Variants in PAG1 observed in about 807,000 individuals in gnomAD.
The protein encoded by PAG1 is phosphoprotein membrane anchor with glycosphingolipid microdomains 1.
A neutral mutation model predicts 31.7 loss-of-function variants in PAG1; 23 were observed. The observed-to-expected ratio is 0.73, with a 90% CI of 0.52 to 1.03. PAG1 has a LOEUF of 1.03. Among genes scored for constraint, PAG1 ranks in the 50% least tolerant of loss-of-function variants. The pLI is 0.00. For synonymous variants in PAG1, 214 were observed against 210.3 expected, an observed-to-expected ratio of 1.02 and a Z score of -0.15; for missense variants, 473 against 540.7, an observed-to-expected ratio of 0.87 and a Z score of 1.24.
In PAG1 at chr8:80,975,853, A is replaced by G. The variant is rs1442123820; in HGVS notation, c.*691T>C. On this transcript the variant is annotated 3_prime_UTR_variant, in exon 9 of 9. Coordinates refer to ENST00000220597, the MANE Select transcript of PAG1 (RefSeq NM_018440.4). ...CAAGTACTTTGGGGAGAGGCTGCTGATATCGAATGCCAAAATAAGAAGGAA... is the reference window on the plus strand; with the variant it reads ...CAAGTACTTTGGGGAGAGGCTGCTGGTATCGAATGCCAAAATAAGAAGGAA... The G allele has an allele frequency of 1.3e-5, 2 of 152,220 alleles. No homozygotes were observed. Among genetic ancestry groups the G allele is most frequent in the Non-Finnish European group, 2.9e-5 (2 of 68,044 alleles). 9.4% of individuals were successfully genotyped at this position (152,220 alleles called of 1,614,324 possible).
intron 2 of PAG1, among the ~76,000 whole-genome samples, chr8:81,061,636 G>A (rs1367826603): frequency 6.6e-6 from 1 of 152,202 alleles, no homozygotes; most frequent in Non-Finnish European, 1.5e-5. Flanking sequence ...CCTACTCAAT[G>A]CCAGGTACAG....
At chr8:81,052,022 C>A (rs1005946873) in intron 2 of PAG1, among the ~76,000 whole-genome samples, 2 of 148,794 alleles carry the variant, frequency 1.3e-5, no homozygotes, top group African/African-American at 5.0e-5. Context: ...CCCAGCTACT[C>A]GGGAGGCTGA....
intron 4 of PAG1, among the ~76,000 whole-genome samples, chr8:80,992,481 T>C (rs1270525361): frequency 6.6e-6 from 1 of 152,220 alleles, no homozygotes; most frequent in Middle Eastern, 3.2e-3. Flanking sequence ...CAGAATGTCC[T>C]GAAACATCAC....
At chr8:81,021,309 TA>T (rs1434972374) in intron 3 of PAG1, among the ~76,000 whole-genome samples, 2 of 152,140 alleles carry the variant, frequency 1.3e-5, no homozygotes, top group East Asian at 3.8e-4. Flanking sequence ...GAATTTGCTG[TA>T]TTTTTTCTAG....
intron 6 of PAG1, among the ~76,000 whole-genome samples, chr8:80,986,316 C>T (rs1807419187): frequency 6.6e-6 from 1 of 152,190 alleles, no homozygotes; most frequent in Non-Finnish European, 1.5e-5. Flanking sequence ...TTCTAGTTGT[C>T]TACATCATGG....
intron 3 of PAG1, among the ~76,000 whole-genome samples, chr8:81,015,578 C>T (rs1268765655): frequency 6.6e-6 from 1 of 152,112 alleles, no homozygotes; most frequent in Non-Finnish European, 1.5e-5. Flanking sequence ...TAAAAGTAAG[C>T]AATTAAAGAA....
At chr8:81,042,142 C>T (rs6989890) in intron 2 of PAG1, among the ~76,000 whole-genome samples, 78,961 of 152,084 alleles carry the variant, frequency 0.52, 23,125 homozygotes, top group Non-Finnish European at 0.66. Context: ...AGGTTTAGCT[C>T]GAGAGACAAA....
intron 2 of PAG1, among the ~76,000 whole-genome samples, chr8:81,055,065 C>A (rs978455891): frequency 7.0e-6 from 1 of 142,540 alleles, no homozygotes. Flanking sequence ...GAATTAATTT[C>A]TTTTTTTTTC....
intron 2 of PAG1, among the ~76,000 whole-genome samples, chr8:81,064,485 TA>T (rs2130938787): frequency 6.6e-6 from 1 of 152,270 alleles, no homozygotes; most frequent in South Asian, 2.1e-4. Flanking sequence ...TAATTAATGC[TA>T]AAAGAGCAAA....
chr8:80,993,587 A>G (rs921175657), intron 3 of PAG1, among the ~76,000 whole-genome samples: 5 of 144,962 alleles, frequency 3.4e-5, no homozygotes, highest in Admixed American at 6.8e-5. Flanking sequence ...TTGGGGGTGG[A>G]TTCTTCTTGT....
At chr8:81,047,475 T>A (rs1808660816) in intron 2 of PAG1, among the ~76,000 whole-genome samples, 1 of 152,230 alleles carries the variant, frequency 6.6e-6, no homozygotes, top group Non-Finnish European at 1.5e-5. Context: ...GTTTGTTGAC[T>A]GCATGTATGT....
At chr8:81,089,523 G>A (rs1028229323) in intron 1 of PAG1, among the ~76,000 whole-genome samples, 14 of 151,526 alleles carry the variant, frequency 9.2e-5, no homozygotes, top group Admixed American at 1.3e-4. Flanking sequence ...AGCTGAGATC[G>A]CACCACTGCA....
intron 1 of PAG1, among the ~76,000 whole-genome samples, chr8:81,075,153 G>T (rs1563421100): frequency 6.6e-6 from 1 of 152,186 alleles, no homozygotes; most frequent in African/African-American, 2.4e-5. Context: ...AATTCCATGT[G>T]TCCATATAGA....
At chr8:81,050,586 A>G (rs1017356176) in intron 2 of PAG1, among the ~76,000 whole-genome samples, 1 of 152,240 alleles carries the variant, frequency 6.6e-6, no homozygotes, top group Non-Finnish European at 1.5e-5. Context: ...GAAATAAAAA[A>G]AAAATGGTAC....
Position 80,968,220 on chromosome 8 carries a change from G to A in PAG1, c.*8324C>T, listed in dbSNP as rs1020359469. On this transcript the variant is annotated 3_prime_UTR_variant, in exon 9 of 9. Coordinates refer to ENST00000220597, the MANE Select transcript of PAG1 (RefSeq NM_018440.4). ...TCAATTTATATAGCACCTTTCTTCC[G>A]AAGAGTTGAAAGCATTCGTGCTTAT... 2 of 152,156 alleles carry A rather than the reference G, an allele frequency of 1.3e-5. No homozygotes were observed. Among genetic ancestry groups the A allele is most frequent in the African/African-American group, 4.8e-5 (2 of 41,428 alleles). 9.4% of individuals were successfully genotyped at this position (152,156 alleles called of 1,614,324 possible). A position where few individuals can be genotyped will look rare whatever the true frequency, so the allele number is the denominator to read the frequency against.
At position 80,984,881 on chromosome 8, in the gene PAG1, TGG is replaced by T; in HGVS notation, c.769_770del (p.Pro257ThrfsTer6). The T allele has an allele frequency of 6.2e-7, 1 of 1,614,156 alleles. No homozygotes were observed. Among genetic ancestry groups the T allele is most frequent in the Non-Finnish European group, 8.5e-7 (1 of 1,180,006 alleles). On this transcript the variant is annotated frameshift_variant, in exon 7 of 9. Coordinates refer to ENST00000220597, the MANE Select transcript of PAG1 (RefSeq NM_018440.4). LOFTEE classifies it high-confidence loss of function. Reference sequence around the variant, plus strand: ...CCAGAAGCTTAACAGGGACAGGTGGTGGGGCCTCCTCTTCTGGATCACATGAA... The same window carrying T: ...CCAGAAGCTTAACAGGGACAGGTGGTGGCCTCCTCTTCTGGATCACATGAA... ...GNSCDPEEEA[P>X]PPVPVKLLDE...
rs1459558056 is a variant in PAG1, at chr8:80,971,355, T to C, written c.*5189A>G. 2 of 152,362 alleles carry C rather than the reference T, an allele frequency of 1.3e-5. No individual in the cohort carries two copies. Among genetic ancestry groups the C allele is most frequent in the East Asian group, 3.9e-4 (2 of 5,194 alleles). The allele number at this position is 152,362 out of a possible 1,614,324, so 9.4% of individuals were successfully genotyped here. A position where few individuals can be genotyped will look rare whatever the true frequency, so the allele number is the denominator to read the frequency against. On this transcript the variant is annotated 3_prime_UTR_variant, in exon 9 of 9. Coordinates refer to ENST00000220597, the MANE Select transcript of PAG1 (RefSeq NM_018440.4). ...TAACTATTTTTATGAGGAAAAAACA[T>C]TAACAATGAAATGCCAATTCCTATT...
chr8:81,075,090 G>A (rs762543858), intron 1 of PAG1, among the ~76,000 whole-genome samples: 5 of 152,090 alleles, frequency 3.3e-5, no homozygotes, highest in Non-Finnish European at 5.9e-5. Context: ...CTCCACTCTC[G>A]TTTGCCAGAG....
At chr8:81,070,666 A>G (rs1356642921) in intron 1 of PAG1, among the ~76,000 whole-genome samples, 3 of 152,116 alleles carry the variant, frequency 2.0e-5, no homozygotes, top group Non-Finnish European at 2.9e-5. Context: ...ACAAAAAAAA[A>G]AAGGTGAAAC....
Sources: allele counts gnomAD v4.1 joint callset (sites outside exome capture counted in the v4.1 genomes callset), GRCh38; gene constraint gnomAD v4.1.1; transcripts MANE v1.5; gene names NCBI Gene and HGNC (gene_info 2026-07-23, HGNC 2026-07-21).